The following UNC45B variants were observed in gnomAD, a reference collection of about 807,000 sequenced individuals.
UNC45B encodes the protein unc-45 myosin chaperone B.
UNC45B carries 78 observed loss-of-function variants against 98.7 expected under a neutral mutation model. The observed-to-expected ratio is 0.79, with a 90% confidence interval of 0.66 to 0.95. The LOEUF (loss-of-function observed/expected upper bound fraction) is 0.95. Among genes scored for constraint, UNC45B ranks in the 40% least tolerant of loss-of-function variants. The pLI is 0.00. For synonymous variants in UNC45B, 462 were observed against 480.4 expected (o/e 0.96, Z 0.50); for missense variants, 1,225 against 1,184.9 (o/e 1.03, Z -0.50).
At position 35,148,284 on chromosome 17, in the gene UNC45B, A is replaced by T; in HGVS notation, c.21A>T (p.Val7=). ...AGCAGATGGCAGAGGTGGAAGCGGT[A>T]CAGCTGAAGGAGGAAGGAAACCGGC... MAEVEA[V]QLKEEGNRHF... is the part of the protein sequence containing the mutation. Residue 7 remains valine, a synonymous_variant, in exon 2 of 20, where the codon GTA becomes GTT. Transcript: ENST00000394570. 1 of 1,613,316 alleles carries T rather than the reference A, an allele frequency of 6.2e-7. No individual in the cohort carries two copies. Among genetic ancestry groups the T allele is most frequent in the Non-Finnish European group, 8.5e-7 (1 of 1,179,444 alleles).
In UNC45B at chr17:35,147,927, G is replaced by A. The variant is rs2091985081; in HGVS notation, c.-1+17G>A. 2 of 278,766 alleles carry A rather than the reference G, an allele frequency of 7.2e-6. No individual in the cohort carries two copies. Among genetic ancestry groups the A allele is most frequent in the Non-Finnish European group, 1.4e-5 (2 of 145,284 alleles). The allele number at this position is 278,766 out of a possible 1,614,324, so 17.3% of individuals were successfully genotyped here. A position where few individuals can be genotyped will look rare whatever the true frequency, so the allele number is the denominator to read the frequency against. On this transcript the variant is annotated intron_variant, in intron 1 of 19. Coordinates refer to ENST00000394570, the MANE Select transcript of UNC45B (RefSeq NM_001267052.2). ...GCTGAAAAAGTGAGCATGGGCCTGG[G>A]GTGTGCCCTGGACTGGGGAGGGAGA...
intron 4 of UNC45B, among the ~76,000 whole-genome samples, chr17:35,151,992 T>A (rs997993198): frequency 6.6e-6 from 1 of 152,194 alleles, no homozygotes; most frequent in African/African-American, 2.4e-5. Context: ...ACGCCTGTAA[T>A]CCCAACACTT....
intron 13 of UNC45B, among the ~76,000 whole-genome samples, chr17:35,173,470 T>G (rs1263444866): frequency 6.6e-6 from 1 of 152,032 alleles, no homozygotes; most frequent in African/African-American, 2.4e-5. Context: ...AGTCCTAAAA[T>G]GAGTCTCACT....
rs1256339091 is a variant in UNC45B at position 35,152,922 on chromosome 17, G to T, written c.411G>T (p.Arg137Ser). Residue 137 changes from arginine to serine, a missense_variant, in exon 5 of 20, where the codon AGG (arginine) becomes AGT (serine). Coordinates refer to ENST00000394570, the MANE Select transcript of UNC45B (RefSeq NM_001267052.2). Reference protein sequence around the residue: ...KLRVQFSTDSRVQKMFEILLD... With the variant: ...KLRVQFSTDSSVQKMFEILLD... ...GAGTGCAGTTCTCCACAGACTCGAG[G>T]GTACAGAAGATGTTTGAGATCCTCT... 10 of 1,614,098 alleles carry T rather than the reference G, an allele frequency of 6.2e-6. No individual in the cohort carries two copies. The South Asian group carries it at 7.7e-5, about 12-fold the overall frequency.
chr17:35,150,376 G>C (rs1366341942), intron 4 of UNC45B, among the ~76,000 whole-genome samples, 153 bp downstream of exon 4: 5 of 152,234 alleles, frequency 3.3e-5, no homozygotes, highest in Non-Finnish European at 5.9e-5. Flanking sequence ...AGGCTGCACA[G>C]AACAGCTAAG....
intron 12 of UNC45B, among the ~76,000 whole-genome samples, chr17:35,170,488 G>A (rs2092176815): frequency 6.7e-6 from 1 of 148,372 alleles, no homozygotes; most frequent in South Asian, 2.1e-4. Flanking sequence ...TTGTTTTCCT[G>A]GGGCCCTCAG....
chr17:35,153,086 C>G (rs767332372), intron 5 of UNC45B, 104 bp downstream of exon 5: 1 of 999,882 alleles, frequency 1.0e-6, no homozygotes, highest in Non-Finnish European at 1.5e-6. Flanking sequence ...CTTTGCAGCC[C>G]AGGAAGGAAA....
intron 6 of UNC45B, among the ~76,000 whole-genome samples, chr17:35,155,035 C>A (rs1482294344): frequency 8.5e-5 from 13 of 152,240 alleles, no homozygotes; most frequent in Admixed American, 8.5e-4. Flanking sequence ...TCCATATGGT[C>A]CTGCCACCGT....
At chr17:35,153,861 G>A (rs941940023) in intron 5 of UNC45B, among the ~76,000 whole-genome samples, 5 of 151,946 alleles carry the variant, frequency 3.3e-5, no homozygotes, top group African/African-American at 7.3e-5. Flanking sequence ...TCCACCTCCT[G>A]TGTTTCTCAG....
chr17:35,180,979 A>G (rs930251575), intron 18 of UNC45B, among the ~76,000 whole-genome samples: 7 of 152,166 alleles, frequency 4.6e-5, no homozygotes, highest in African/African-American at 1.7e-4. Context: ...CTTAAAACAA[A>G]GCAGGATATG....
intron 15 of UNC45B, 117 bp from the exon 16 acceptor site, chr17:35,176,900 T>C (rs2092237676): frequency 5.6e-6 from 4 of 716,330 alleles, no homozygotes; most frequent in South Asian, 5.2e-5. Context: ...GGGCTGATTA[T>C]ACGGCAGAAT....
chr17:35,179,463 G>A (rs187686014), intron 17 of UNC45B, among the ~76,000 whole-genome samples: 49 of 152,308 alleles, frequency 3.2e-4, no homozygotes, highest in African/African-American at 1.1e-3. Context: ...TATGTTTATT[G>A]TGGCACTATT....
intron 4 of UNC45B, 35 bp from the exon 5 acceptor site, chr17:35,152,858 C>G: frequency 1.3e-6 from 2 of 1,562,568 alleles, no homozygotes; most frequent in Non-Finnish European, 1.8e-6. Flanking sequence ...GTGGACCCCA[C>G]CTGCCTCCTT....
In UNC45B at chr17:35,187,568, G is replaced by T. The variant is rs1029422389; in HGVS notation, c.*1009G>T. 1 of 152,198 alleles carries T rather than the reference G, an allele frequency of 6.6e-6. No homozygotes were observed. The highest frequency in any genetic ancestry group is 6.5e-5 in the Admixed American group (1 of 15,284). 9.4% of individuals were successfully genotyped at this position (152,198 alleles called of 1,614,324 possible). A position where few individuals can be genotyped will look rare whatever the true frequency, so the allele number is the denominator to read the frequency against. On this transcript the variant is annotated 3_prime_UTR_variant, in exon 20 of 20. Coordinates refer to ENST00000394570, the MANE Select transcript of UNC45B (RefSeq NM_001267052.2). ...CATCTATGAACCAATCATATTCAGA[G>T]GTGGAATGCTAATTGGCCAGGCCTG...
At chr17:35,175,034 G>GTAAA (rs2092218830) in intron 14 of UNC45B, among the ~76,000 whole-genome samples, 1 of 137,588 alleles carries the variant, frequency 7.3e-6, no homozygotes, top group Non-Finnish European at 1.5e-5. Flanking sequence ...AGGAGAGAGA[G>GTAAA]GAAAGAAGGA....
intron 18 of UNC45B, among the ~76,000 whole-genome samples, chr17:35,182,632 A>G (rs527946163): frequency 6.6e-6 from 1 of 152,218 alleles, no homozygotes; most frequent in Non-Finnish European, 1.5e-5. Flanking sequence ...GCTGTGTCCC[A>G]TGAGAGGGGG....
At position 35,188,280 on chromosome 17, in the gene UNC45B, A is replaced by T. The variant is rs912458026; in HGVS notation, c.*1721A>T. 6.6e-6 allele frequency: 1 copy of T among 152,084 alleles called. No homozygotes were observed. The highest frequency in any genetic ancestry group is 1.5e-5 in the Non-Finnish European group (1 of 68,008). 9.4% of individuals were successfully genotyped at this position (152,084 alleles called of 1,614,324 possible). On this transcript the variant is annotated 3_prime_UTR_variant, in exon 20 of 20. Coordinates refer to ENST00000394570, the MANE Select transcript of UNC45B (RefSeq NM_001267052.2). ...TATACACAATAAATGGCATGATTTG[A>T]CCTCTGTCAAATTCTTCTTTCCTGC... is the stretch of plus-strand genomic sequence containing the variant.
intron 4 of UNC45B, among the ~76,000 whole-genome samples, chr17:35,150,829 ATCTC>A (rs575956686): frequency 6.8e-6 from 1 of 146,788 alleles, no homozygotes; most frequent in Non-Finnish European, 1.5e-5. Context: ...CTGCAACATG[ATCTC>A]TCTCTCTTTC....
Position 35,154,614 on chromosome 17 carries a change from G to A in UNC45B, c.512G>A (p.Gly171Glu), listed in dbSNP as rs995994445. 2 of 1,613,438 alleles carry A rather than the reference G, an allele frequency of 1.2e-6. No individual in the cohort carries two copies. The highest frequency in any genetic ancestry group is 2.7e-5 in the African/African-American group (2 of 74,906). The change falls in exon 6 of 20, where the codon GGG (glycine) becomes GAG (glutamate). Residue 171 changes from glycine to glutamate, a missense_variant. Physicochemically the swap from Gly to Glu is moderately conservative, Grantham distance 98. Coordinates refer to ENST00000394570, the MANE Select transcript of UNC45B (RefSeq NM_001267052.2). ...ATTGTCCTAGGCCGTGAGGAAGCAG[G>A]GGCTGAGAAGATCTTCCAGAACAAT... The part of the protein sequence containing the change: ...NLIVLGREEA[G>E]AEKIFQNNGV...
Sources: allele counts gnomAD v4.1 joint callset (sites outside exome capture counted in the v4.1 genomes callset), GRCh38; gene constraint gnomAD v4.1.1; transcripts MANE v1.5; gene names NCBI Gene and HGNC (gene_info 2026-07-23, HGNC 2026-07-21).